The following ARHGAP6 variants were observed in gnomAD, a reference collection of about 807,000 sequenced individuals.
The protein encoded by ARHGAP6 is Rho GTPase activating protein 6.
A neutral mutation model predicts 55.7 loss-of-function variants in ARHGAP6; 16 were observed. The ratio of observed to expected loss-of-function variants is 0.29; its 90% CI spans 0.19 to 0.44. The LOEUF is 0.44. Among genes scored for constraint, ARHGAP6 ranks in the 20% least tolerant of loss-of-function variants. ARHGAP6 has a pLI of 1.00. For missense variants in ARHGAP6, 698 were observed against 808.9 expected, an observed-to-expected ratio of 0.86 and a Z score of 1.66; for synonymous variants, 382 against 360.9, an observed-to-expected ratio of 1.06 and a Z score of -0.66.
intron 1 of ARHGAP6, among the ~76,000 whole-genome samples, chrX:11,262,044 ATT>A (rs1367449578): frequency 8.9e-6 from 1 of 112,070 alleles, no homozygotes; most frequent in Non-Finnish European, 1.9e-5. Flanking sequence ...TTATTTATAT[ATT>A]TTGTTTATCA....
At chrX:11,368,525 T>A (rs1386181918) in intron 1 of ARHGAP6, among the ~76,000 whole-genome samples, 2 of 111,918 alleles carry the variant, frequency 1.8e-5, no homozygotes, top group Non-Finnish European at 3.8e-5. Context: ...CTCCTCCAAT[T>A]CTAACTTCCC....
chrX:11,386,537 C>G (rs189648947), intron 1 of ARHGAP6, among the ~76,000 whole-genome samples: 1 of 111,208 alleles, frequency 9.0e-6, no homozygotes, highest in African/African-American at 3.3e-5. Context: ...CCAGATCCAC[C>G]GGCCATAATA....
At chrX:11,616,906 G>A (rs1158960335) in intron 1 of ARHGAP6, among the ~76,000 whole-genome samples, 1 of 111,728 alleles carries the variant, frequency 9.0e-6, no homozygotes, top group Non-Finnish European at 1.9e-5. Context: ...TGTCAATACT[G>A]CCAGTGTTGA....
rs974479091 is a variant in ARHGAP6 at position 11,437,706 on chromosome X, T to C, written c.589-182999A>G. On this transcript the variant is annotated intron_variant, in intron 1 of 12. Transcript: ENST00000337414. ...TTGGACTTTAATATTTTCACACACA[T>C]CAGTCAGTCATGGGCTGTGGGACGC... Among the ~76,000 whole-genome samples, 6 of 112,317 alleles carry C rather than the reference T, an allele frequency of 5.3e-5. No homozygotes were observed. In the Admixed American group the frequency reaches 5.6e-4, roughly 11 times the overall value.
chrX:11,374,333 C>T (rs982201279), intron 1 of ARHGAP6, among the ~76,000 whole-genome samples: 3 of 111,780 alleles, frequency 2.7e-5, no homozygotes, highest in Non-Finnish European at 5.6e-5. Flanking sequence ...GAGATTCCAT[C>T]TTTGTGGTCC....
chrX:11,386,979 A>G (rs1024649597), intron 1 of ARHGAP6, among the ~76,000 whole-genome samples: 8 of 112,315 alleles, frequency 7.1e-5, no homozygotes, highest in Non-Finnish European at 1.3e-4. Context: ...CAGCTGAAAG[A>G]AGGTCATGGA....
At chrX:11,298,665 G>A (rs1284965506) in intron 1 of ARHGAP6, 1 of 1,210,897 alleles carries the variant, frequency 8.3e-7, no homozygotes, top group Admixed American at 2.2e-5. Flanking sequence ...CATCCCAGTG[G>A]TGCCAGCTCA....
chrX:11,143,171 G>A (rs187443384), intron 11 of ARHGAP6: 5 of 111,919 alleles, frequency 4.5e-5, no homozygotes, highest in African/African-American at 1.3e-4. Flanking sequence ...AGCAGCAGAC[G>A]TCTACTGGGT....
chrX:11,650,896 T>C (rs2052576796), intron 1 of ARHGAP6, among the ~76,000 whole-genome samples: 1 of 112,493 alleles, frequency 8.9e-6, no homozygotes, highest in East Asian at 2.8e-4. Context: ...TCACCTTTCA[T>C]GTTTACTTTC....
At chrX:11,643,658 A>G (rs2052498061) in intron 1 of ARHGAP6, among the ~76,000 whole-genome samples, 1 of 111,859 alleles carries the variant, frequency 8.9e-6, no homozygotes, top group Admixed American at 9.5e-5. Flanking sequence ...AATCCCTTAC[A>G]TTGTGGAAGA....
At position 11,218,334 on chromosome X, in the gene ARHGAP6, G is replaced by A. The variant is rs777577332; in HGVS notation, c.749-21338C>T. 1.7e-4 allele frequency among the ~76,000 whole-genome samples: 19 copies of A among 111,484 alleles called. 1 individual carries two copies. The highest frequency in any genetic ancestry group is 9.2e-3 in the Middle Eastern group (2 of 217). ...GCCATTTTCACAATATTGATTCTTCGTAACCATGAGCATGGAATGTTTTTC... is the reference window on the plus strand; with the variant it reads ...GCCATTTTCACAATATTGATTCTTCATAACCATGAGCATGGAATGTTTTTC... On this transcript the variant is annotated intron_variant, in intron 2 of 12. Transcript: ENST00000337414.
intron 1 of ARHGAP6, among the ~76,000 whole-genome samples, chrX:11,360,405 C>A (rs745965388): frequency 1.9e-4 from 21 of 109,942 alleles, no homozygotes; most frequent in South Asian, 3.9e-4. Flanking sequence ...AAGACAAAAA[C>A]CACATGATTA....
At chrX:11,519,097 A>C (rs1257244799) in intron 1 of ARHGAP6, among the ~76,000 whole-genome samples, 16 of 94,782 alleles carry the variant, frequency 1.7e-4, no homozygotes, top group African/African-American at 6.6e-4. Context: ...ATAAACATAC[A>C]TGTGCATGTG....
At chrX:11,411,183 T>TTATATA (rs201875323) in intron 1 of ARHGAP6, among the ~76,000 whole-genome samples, 2,090 of 31,579 alleles carry the variant, frequency 0.066, 110 homozygotes, top group Middle Eastern at 0.094. Flanking sequence ...CAGACATTAT[T>TTATATA]TATATATATA....
chrX:11,313,876 A>T (rs2048327028), intron 1 of ARHGAP6, among the ~76,000 whole-genome samples: 1 of 112,289 alleles, frequency 8.9e-6, no homozygotes, highest in South Asian at 3.7e-4. Context: ...TGGGCAAAAG[A>T]TCAAATACAG....
chrX:11,503,787 T>C (rs965881288), intron 1 of ARHGAP6, among the ~76,000 whole-genome samples: 1 of 111,523 alleles, frequency 9.0e-6, no homozygotes, highest in African/African-American at 3.3e-5. Flanking sequence ...CAAAACCTAA[T>C]GTTATACTGT....
intron 2 of ARHGAP6, among the ~76,000 whole-genome samples, chrX:11,212,828 A>AT (rs746483465): frequency 1.3e-4 from 15 of 112,164 alleles, no homozygotes; most frequent in East Asian, 1.1e-3. Context: ...TAAATAAAAA[A>AT]ATATATATAG....
At position 11,178,207 on chromosome X, in the gene ARHGAP6, T is replaced by C. The variant is rs751048410; in HGVS notation, c.1522A>G (p.Ile508Val). 1 of 1,210,327 alleles carries C rather than the reference T, an allele frequency of 8.3e-7. No homozygotes were observed. The highest frequency in any genetic ancestry group is 1.1e-6 in the Non-Finnish European group (1 of 894,959). ...CAGTTGCAGGGAGGTAGAAGGTATATGAGGAGCTGCAAGGTGCCCAGCTGT... is the reference window on the plus strand; with the variant it reads ...CAGTTGCAGGGAGGTAGAAGGTATACGAGGAGCTGCAAGGTGCCCAGCTGT... Reference protein sequence around the residue: ...EEQLGTLQLLIYLLPPCNCDT... With the variant: ...EEQLGTLQLLVYLLPPCNCDT... The change falls in exon 8 of 13, where the codon ATA becomes GTA. Residue 508 changes from isoleucine to valine, a missense_variant. Coordinates refer to ENST00000337414, the MANE Select transcript of ARHGAP6 (RefSeq NM_013427.3).
intron 1 of ARHGAP6, among the ~76,000 whole-genome samples, chrX:11,610,530 C>T (rs1204270079): frequency 9.0e-6 from 1 of 111,647 alleles, no homozygotes; most frequent in Non-Finnish European, 1.9e-5. Context: ...GGAGGAAGTG[C>T]CCATGGTAAT....
Sources: allele counts gnomAD v4.1 joint callset (sites outside exome capture counted in the v4.1 genomes callset), GRCh38; gene constraint gnomAD v4.1.1; transcripts MANE v1.5; gene names NCBI Gene and HGNC (gene_info 2026-07-23, HGNC 2026-07-21).